Variants in PCDHGA7 observed in about 807,000 individuals in gnomAD.
PCDHGA7 encodes protocadherin gamma subfamily A, 7, also known as protocadherin gamma-A7.
Under a neutral mutation model 58.3 loss-of-function variants are expected in PCDHGA7, and 44 were observed. The observed-to-expected ratio is 0.75, with a 90% CI of 0.59 to 0.97. The LOEUF is 0.97. Ranked by LOEUF, PCDHGA7 falls within the 50% of genes least tolerant of loss-of-function variation. The pLI is 0.00. For synonymous variants in PCDHGA7, 516 were observed against 504.2 expected (o/e 1.02, Z -0.31); for missense variants, 1,266 against 1,188.7 (o/e 1.06, Z -0.96).
chr5:141,447,709 T>C (rs896203283), intron 1 of PCDHGA7, among the ~76,000 whole-genome samples: 1 of 152,210 alleles, frequency 6.6e-6, no homozygotes, highest in East Asian at 1.9e-4. Context: ...TATAAGGATG[T>C]ACACATTTTC....
Position 141,422,492 on chromosome 5 carries a change from C to T in PCDHGA7, c.2424+37169C>T, listed in dbSNP as rs747903569. 2.5e-6 allele frequency: 4 copies of T among 1,613,934 alleles called. No homozygotes were observed. The East Asian group carries it at 6.7e-5, about 27-fold the overall frequency. ...GAGTTGGTCCAGAGCTACAATATAA[C>T]GTTGACAGCCACAGACCAGGGAAGC... On this transcript the variant is annotated intron_variant, in intron 1 of 3. Coordinates refer to ENST00000518325, the MANE Select transcript of PCDHGA7 (RefSeq NM_018920.4).
At chr5:141,456,148 C>G (rs1408257938) in intron 1 of PCDHGA7, among the ~76,000 whole-genome samples, 1 of 152,080 alleles carries the variant, frequency 6.6e-6, no homozygotes, top group African/African-American at 2.4e-5. Flanking sequence ...CCGCCCGCCT[C>G]GGCCTCCTAA....
At chr5:141,483,854 T>C (rs2154580004) in intron 1 of PCDHGA7, among the ~76,000 whole-genome samples, 1 of 152,236 alleles carries the variant, frequency 6.6e-6, no homozygotes, top group South Asian at 2.1e-4. Flanking sequence ...ATTAAGAAAT[T>C]TCATGTCCAG....
intron 1 of PCDHGA7, among the ~76,000 whole-genome samples, chr5:141,482,652 G>C (rs1276348234): frequency 6.6e-6 from 1 of 152,074 alleles, no homozygotes; most frequent in African/African-American, 2.4e-5. Flanking sequence ...GGTGATGCTT[G>C]AGCTATGATC....
chr5:141,405,364 C>G, intron 1 of PCDHGA7: 1 of 1,613,548 alleles, frequency 6.2e-7, no homozygotes, highest in Non-Finnish European at 8.5e-7. Context: ...TAGAAGACAC[C>G]CCTTTGGTTC....
chr5:141,417,226 T>A (rs966071761), intron 1 of PCDHGA7: 4 of 152,134 alleles, frequency 2.6e-5, no homozygotes, highest in Admixed American at 1.3e-4. Flanking sequence ...GACAAAAAAA[T>A]TTGTTGCTTA....
Position 141,389,832 on chromosome 5 carries a change from C to T in PCDHGA7, c.2424+4509C>T, listed in dbSNP as rs758113562. ...GGTCGCCGTGCGTGACGGTGGACAG[C>T]CACCACTCTCGGCCACTGCCACGTT... On this transcript the variant is annotated intron_variant, in intron 1 of 3. Coordinates refer to ENST00000518325, the MANE Select transcript of PCDHGA7 (RefSeq NM_018920.4). The T allele has an allele frequency of 2.2e-5, 36 of 1,613,848 alleles. 1 individual carries two copies. The South Asian group carries it at 3.8e-4, about 17-fold the overall frequency.
intron 1 of PCDHGA7, chr5:141,415,300 C>T (rs763286826): frequency 3.1e-6 from 5 of 1,614,222 alleles, no homozygotes; most frequent in East Asian, 4.5e-5. Context: ...CTGCGTCTTC[C>T]TGGCCTTCGT....
chr5:141,430,404 A>C (rs1054341813), intron 1 of PCDHGA7, among the ~76,000 whole-genome samples: 1 of 152,000 alleles, frequency 6.6e-6, no homozygotes, highest in African/African-American at 2.4e-5. Context: ...AAAGCTCACT[A>C]AAGTTTCTAT....
rs371376308 is a variant in PCDHGA7, at chr5:141,385,131, C to T, written c.2232C>T (p.Asp744=). Residue 744 remains aspartate, a synonymous_variant, in exon 1 of 4, where the codon GAC becomes GAT. Transcript: ENST00000518325. ...NVPTSHFVGM[D]GVQAFLQTYS... is the part of the protein sequence containing the mutation. ...CCACCTCGCACTTTGTGGGCATGGA[C>T]GGGGTGCAGGCTTTCCTGCAGACCT... 7 of 1,614,082 alleles carry T rather than the reference C, an allele frequency of 4.3e-6. No individual in the cohort carries two copies. Among genetic ancestry groups the T allele is most frequent in the Admixed American group, 1.7e-5 (1 of 60,000 alleles).
intron 1 of PCDHGA7, chr5:141,398,508 T>C: frequency 6.2e-7 from 1 of 1,601,476 alleles, no homozygotes; most frequent in Admixed American, 1.7e-5. Context: ...AGGACATTAA[T>C]GACCACACGC....
intron 2 of PCDHGA7, 99 bp downstream of exon 2, chr5:141,494,964 G>A (rs2099757882): frequency 1.3e-6 from 2 of 1,594,380 alleles, no homozygotes; most frequent in Non-Finnish European, 8.5e-7. Context: ...GCTACAGATG[G>A]CTTCTCCCTC....
intron 1 of PCDHGA7, chr5:141,413,858 G>T: frequency 6.2e-7 from 1 of 1,613,258 alleles, no homozygotes; most frequent in Non-Finnish European, 8.5e-7. Context: ...CTCCGATCTG[G>T]CACTGTCCTT....
rs1272507661 is a variant in PCDHGA7, at chr5:141,383,939, T to C, written c.1040T>C (p.Val347Ala). The part of the protein sequence containing the change: ...VLDVNDNAPE[V>A]TMTSLSSSIP... ...GATGTAAATGATAATGCTCCAGAAG[T>C]GACTATGACGTCTTTAAGTAGCTCA... The change falls in exon 1 of 4, where the codon GTG becomes GCG. Residue 347 changes from valine (V) to alanine (A), a missense_variant. Transcript: ENST00000518325. The C allele has an allele frequency of 6.2e-7, 1 of 1,613,738 alleles. No homozygotes were observed. The highest frequency in any genetic ancestry group is 1.3e-5 in the African/African-American group (1 of 74,922).
chr5:141,433,067 T>C, intron 1 of PCDHGA7: 3 of 1,614,144 alleles, frequency 1.9e-6, no homozygotes, highest in Non-Finnish European at 2.5e-6. Context: ...TCACCTGATC[T>C]TCCCCCAGCC....
At chr5:141,409,538 A>G (rs772375542) in intron 1 of PCDHGA7, 5 of 1,613,844 alleles carry the variant, frequency 3.1e-6, no homozygotes, top group Non-Finnish European at 4.2e-6. Flanking sequence ...CGCTGACATC[A>G]ACGACAACGC....
chr5:141,502,866 CTT>C (rs549047197), intron 2 of PCDHGA7, among the ~76,000 whole-genome samples: 3 of 127,996 alleles, frequency 2.3e-5, no homozygotes, highest in Admixed American at 8.6e-5. Flanking sequence ...GACTCTCTGT[CTT>C]TTTTTTTTTT....
At chr5:141,430,737 A>G in intron 1 of PCDHGA7, 1 of 1,498,286 alleles carries the variant, frequency 6.7e-7, no homozygotes, top group South Asian at 1.4e-5. Flanking sequence ...CAGAATTGAA[A>G]ATAATTCTGG....
At chr5:141,438,571 TATACATACATAC>T (rs1212381177) in intron 1 of PCDHGA7, among the ~76,000 whole-genome samples, 4 of 94,544 alleles carry the variant, frequency 4.2e-5, no homozygotes, top group African/African-American at 9.7e-5. Context: ...AGCTGTCTGA[TATACATACATAC>T]ATACATACAT....
Sources: gnomAD v4.1 joint callset for allele counts (sites outside exome capture counted in the v4.1 genomes callset) on GRCh38, gnomAD v4.1.1 for gene constraint, MANE v1.5 for transcripts, NCBI Gene and HGNC (gene_info 2026-07-23, HGNC 2026-07-21) for gene names.